The following MAPRE2 variants were observed in gnomAD, a reference collection of about 807,000 sequenced individuals.
The protein encoded by MAPRE2 is microtubule associated protein RP/EB family member 2, also known as microtubule-associated protein RP/EB family member 2.
In MAPRE2, 13 loss-of-function variants were observed where a neutral mutation model predicts 43.2. The ratio of observed to expected loss-of-function variants is 0.30; its 90% CI spans 0.20 to 0.48. MAPRE2 has a LOEUF of 0.48. Among genes scored for constraint, MAPRE2 ranks in the 20% least tolerant of loss-of-function variants. MAPRE2 has a pLI of 0.99. For missense variants in MAPRE2, 161 were observed against 400.2 expected (o/e 0.40, Z 5.10); for synonymous variants, 135 against 148.8 (o/e 0.91, Z 0.68).
intron 2 of MAPRE2, among the ~76,000 whole-genome samples, chr18:35,022,975 A>G (rs2097042878): frequency 6.6e-6 from 1 of 152,228 alleles, no homozygotes; most frequent in Non-Finnish European, 1.5e-5. Flanking sequence ...AATGTGTAAT[A>G]GAAGCACTAT....
At chr18:34,980,017 CTTTTTCTTTTTTTCTTTTTTTTTTT>C (rs1248323939) in intron 1 of MAPRE2, among the ~76,000 whole-genome samples, 6 of 102,366 alleles carry the variant, frequency 5.9e-5, no homozygotes, top group African/African-American at 2.1e-4. Context: ...TTTTCTTTTT[CTTTTTCTTTTTTTCTTTTTTTTTTT>C]TTTTTTTTTT....
At chr18:34,980,474 C>T (rs373661110) in intron 1 of MAPRE2, among the ~76,000 whole-genome samples, 2 of 152,042 alleles carry the variant, frequency 1.3e-5, no homozygotes, top group Non-Finnish European at 2.9e-5. Context: ...TGTCTGTAGC[C>T]CCCAAAGCAG....
At chr18:35,001,880 T>C (rs2097029552) in intron 1 of MAPRE2, among the ~76,000 whole-genome samples, 1 of 152,196 alleles carries the variant, frequency 6.6e-6, no homozygotes, top group East Asian at 1.9e-4. Context: ...TATATATATT[T>C]TGAGATGATT....
chr18:34,984,903 ATGTTATATAATATATAATATATTT>A (rs1450857626), intron 1 of MAPRE2, among the ~76,000 whole-genome samples: 1,152 of 36,204 alleles, frequency 0.032, 24 homozygotes, highest in East Asian at 0.052. Flanking sequence ...AATATATTTT[ATGTTATATAATATATAATATATTT>A]TATGTTATAT....
chr18:35,116,405 T>C (rs951293902), intron 4 of MAPRE2, among the ~76,000 whole-genome samples: 7 of 152,216 alleles, frequency 4.6e-5, no homozygotes, highest in East Asian at 1.9e-4. Flanking sequence ...ACAACACTTA[T>C]GCATTATTTC....
chr18:35,081,179 A>T (rs1046795409), intron 2 of MAPRE2, among the ~76,000 whole-genome samples: 1 of 152,060 alleles, frequency 6.6e-6, no homozygotes, highest in African/African-American at 2.4e-5. Flanking sequence ...CTATTTAAAA[A>T]CCTCACAGAA....
chr18:35,125,285 G>A (rs1042247561), intron 4 of MAPRE2, among the ~76,000 whole-genome samples: 15 of 152,158 alleles, frequency 9.9e-5, no homozygotes, highest in African/African-American at 3.6e-4. Flanking sequence ...GTTGAAACTT[G>A]TAACTGCTGT....
rs531770224 is a variant in MAPRE2, at chr18:35,102,413, A to G, written c.610+254A>G. 5.9e-5 allele frequency among the ~76,000 whole-genome samples: 9 copies of G among 152,344 alleles called. No individual in the cohort carries two copies. The South Asian group carries it at 1.0e-3, about 18-fold the overall frequency. On this transcript the variant is annotated intron_variant, in intron 4 of 6. Coordinates refer to ENST00000300249, the MANE Select transcript of MAPRE2 (RefSeq NM_014268.4). Reference sequence around the variant, plus strand: ...TGTATCACTGAAGCTGGCAGTGAAAATAATGCTCCCAGGATAGATTTCTTT... The same window carrying G: ...TGTATCACTGAAGCTGGCAGTGAAAGTAATGCTCCCAGGATAGATTTCTTT...
rs1000440429 is a variant in MAPRE2, at chr18:35,142,264, G to C, written c.*1895G>C. The C allele has an allele frequency of 1.3e-5, 2 of 152,250 alleles. No homozygotes were observed. Among genetic ancestry groups the C allele is most frequent in the African/African-American group, 4.8e-5 (2 of 41,436 alleles). The allele number at this position is 152,250 out of a possible 1,614,324, so 9.4% of individuals were successfully genotyped here. A position where few individuals can be genotyped will look rare whatever the true frequency, so the allele number is the denominator to read the frequency against. ...CTGATCTCTTTAAAAACAAAAAATA[G>C]CTCTTGTAAAAGGTCACAATAACTC... On this transcript the variant is annotated 3_prime_UTR_variant, in exon 7 of 7. Transcript: ENST00000300249.
intron 2 of MAPRE2, among the ~76,000 whole-genome samples, chr18:35,015,280 C>A (rs968863018): frequency 6.6e-6 from 1 of 152,026 alleles, no homozygotes; most frequent in African/African-American, 2.4e-5. Flanking sequence ...AGTGGATTCA[C>A]CTTCATTTCC....
chr18:35,060,022 C>T (rs563673288), intron 1 of MAPRE2, among the ~76,000 whole-genome samples: 14 of 152,254 alleles, frequency 9.2e-5, no homozygotes, highest in African/African-American at 3.4e-4. Context: ...GTTTGATGAC[C>T]GCATATGCTT....
chr18:35,137,076 G>A (rs1910423063), intron 6 of MAPRE2, among the ~76,000 whole-genome samples: 1 of 152,200 alleles, frequency 6.6e-6, no homozygotes, highest in Non-Finnish European at 1.5e-5. Flanking sequence ...TGTGGGCTGT[G>A]AGCTCTCAGT....
At chr18:34,978,619 G>T (rs748596342) in intron 1 of MAPRE2, 77 of 1,280,672 alleles carry the variant, frequency 6.0e-5, no homozygotes, top group Middle Eastern at 3.6e-4. Context: ...AGCAAAAAGG[G>T]GTATGGCTCT....
At chr18:35,119,340 C>G (rs1295515141) in intron 4 of MAPRE2, among the ~76,000 whole-genome samples, 2 of 152,208 alleles carry the variant, frequency 1.3e-5, no homozygotes, top group Non-Finnish European at 2.9e-5. Context: ...ACTTACCCAC[C>G]CGCAGCCCAG....
chr18:35,062,032 G>A (rs1906559179), intron 1 of MAPRE2, among the ~76,000 whole-genome samples: 1 of 152,156 alleles, frequency 6.6e-6, no homozygotes, highest in African/African-American at 2.4e-5. Context: ...CCCTCCCTAT[G>A]GAAGCCCAGT....
chr18:35,103,477 T>C (rs1472675045), intron 4 of MAPRE2, among the ~76,000 whole-genome samples: 2 of 152,160 alleles, frequency 1.3e-5, no homozygotes, highest in South Asian at 2.1e-4. Context: ...AGTTTGAGAT[T>C]CTTTTGTGAC....
chr18:35,057,940 C>G (rs1252261117), intron 1 of MAPRE2, among the ~76,000 whole-genome samples: 1 of 152,124 alleles, frequency 6.6e-6, no homozygotes, highest in Non-Finnish European at 1.5e-5. Flanking sequence ...TAGCAATGAC[C>G]AAAATTTCCA....
intron 6 of MAPRE2, among the ~76,000 whole-genome samples, chr18:35,137,270 G>T (rs1381510870): frequency 4.6e-5 from 7 of 152,218 alleles, no homozygotes; most frequent in African/African-American, 1.2e-4. Flanking sequence ...TCCTGTGACT[G>T]AGATTTAAGC....
intron 4 of MAPRE2, among the ~76,000 whole-genome samples, chr18:35,104,579 G>A (rs1160715773): frequency 1.3e-5 from 2 of 152,078 alleles, no homozygotes; most frequent in Non-Finnish European, 2.9e-5. Flanking sequence ...GAAAGGAAAA[G>A]GTGAGATGTC....
Sources: allele counts gnomAD v4.1 joint callset (sites outside exome capture counted in the v4.1 genomes callset), GRCh38; gene constraint gnomAD v4.1.1; transcripts MANE v1.5; gene names NCBI Gene and HGNC (gene_info 2026-07-23, HGNC 2026-07-21).